The following PDE1C variants were observed in gnomAD, a reference collection of about 807,000 sequenced individuals.
PDE1C encodes dual specificity calcium/calmodulin-dependent 3',5'-cyclic nucleotide phosphodiesterase 1C.
A neutral mutation model predicts 93.1 loss-of-function variants in PDE1C; 62 were observed. That is an observed-to-expected ratio of 0.67 (90% confidence interval 0.54 to 0.82). The LOEUF (loss-of-function observed/expected upper bound fraction) is 0.82, where lower values mean the gene tolerates loss of function less well. Among genes scored for constraint, PDE1C ranks in the 40% least tolerant of loss-of-function variants. The pLI, the probability that PDE1C is intolerant of heterozygous loss-of-function variation, is 0.00. For synonymous variants in PDE1C, 325 were observed against 310.1 expected (o/e 1.05, Z -0.50); for missense variants, 742 against 884.6 (o/e 0.84, Z 2.04).
intron 2 of PDE1C, among the ~76,000 whole-genome samples, chr7:32,003,210 C>T (rs574560784): frequency 9.2e-5 from 14 of 152,316 alleles, no homozygotes; most frequent in African/African-American, 2.9e-4. Flanking sequence ...AATGAGTTCA[C>T]TTGCTGGAAT....
chr7:32,412,692 T>C (rs1167177907), intron 1 of PDE1C, among the ~76,000 whole-genome samples: 1 of 44,616 alleles, frequency 2.2e-5, no homozygotes, highest in African/African-American at 9.6e-5. Flanking sequence ...ACATATGCAG[T>C]CCATCATTGC....
Position 32,232,144 on chromosome 7 carries a change from A to G in PDE1C, c.86-22605T>C, listed in dbSNP as rs533033986. Among the ~76,000 whole-genome samples, 9 of 151,934 alleles carry G rather than the reference A, an allele frequency of 5.9e-5. No homozygotes were observed. In the South Asian group the frequency reaches 1.5e-3, roughly 25 times the overall value. ...ACAATAGTAGCAGACAGATTAAGGG[A>G]AAAAAAACAGAATTTGAAGCACCAC... On this transcript the variant is annotated intron_variant, in intron 1 of 18. Transcript: ENST00000396193.
At chr7:32,232,050 T>C (rs4236333) in intron 1 of PDE1C, among the ~76,000 whole-genome samples, 76,185 of 151,812 alleles carry the variant, frequency 0.5, 22,024 homozygotes, top group Admixed American at 0.64. Context: ...TTCCACCCTA[T>C]CTCTCCCACT....
At chr7:31,712,068 GA>G in the PDE1C span, among the ~76,000 whole-genome samples, 2 of 152,292 alleles carry the variant, frequency 1.3e-5, no homozygotes, top group Admixed American at 1.3e-4. Flanking sequence ...ATTAGATCAG[GA>G]GAAACCTGAT....
At chr7:31,653,600 T>G in the PDE1C span, 3 of 152,064 alleles carry the variant, frequency 2.0e-5, no homozygotes, top group Non-Finnish European at 4.4e-5. Flanking sequence ...AGTGGGCAAA[T>G]TGTGAGGGAG....
At chr7:31,789,114 T>C (rs1436260707) in intron 16 of PDE1C, 3 of 152,150 alleles carry the variant, frequency 2.0e-5, no homozygotes, top group Non-Finnish European at 4.4e-5. Flanking sequence ...ACTCAGAGAT[T>C]CCTGTGTGAC....
intron 1 of PDE1C, among the ~76,000 whole-genome samples, chr7:32,231,998 T>C (rs1007749071): frequency 6.7e-5 from 10 of 149,852 alleles, no homozygotes; most frequent in Middle Eastern, 3.4e-3. Flanking sequence ...CACACACACA[T>C]ATATGATGAA....
At chr7:32,174,162 C>T (rs920037889) in intron 2 of PDE1C, among the ~76,000 whole-genome samples, 2 of 152,102 alleles carry the variant, frequency 1.3e-5, no homozygotes, top group African/African-American at 4.8e-5. Context: ...GGAAGAAGAA[C>T]AAGAACAGCA....
At chr7:31,761,440 T>C (rs1234534232) in intron 17 of PDE1C, among the ~76,000 whole-genome samples, 1 of 152,220 alleles carries the variant, frequency 6.6e-6, no homozygotes, top group African/African-American at 2.4e-5. Flanking sequence ...TTTGTGGCAA[T>C]GGCTCAGGAA....
At chr7:31,929,922 G>A (rs1195523875) in intron 2 of PDE1C, among the ~76,000 whole-genome samples, 3 of 152,136 alleles carry the variant, frequency 2.0e-5, no homozygotes, top group African/African-American at 7.2e-5. Context: ...ACTAAGATCA[G>A]AGCAGAACTG....
chr7:32,298,165 AC>A (rs1210174198), intron 1 of PDE1C, among the ~76,000 whole-genome samples: 2 of 149,964 alleles, frequency 1.3e-5, no homozygotes, highest in African/African-American at 4.9e-5. Flanking sequence ...GTCTGTCTTG[AC>A]GTCCGCCTCT....
the PDE1C span, among the ~76,000 whole-genome samples, chr7:31,622,186 G>C: frequency 7.5e-6 from 1 of 133,422 alleles, no homozygotes; most frequent in Middle Eastern, 3.6e-3. Context: ...GTCAACATTA[G>C]ACAGATCAAC....
In PDE1C at chr7:31,753,461, C is replaced by A; in HGVS notation, c.2053G>T (p.Ala685Ser). The change falls in exon 18 of 18, where the codon GCA (alanine) becomes TCA (serine). Residue 685 changes from alanine (A) to serine (S), a missense_variant. This residue lies in a region of PDE1C where 454 missense variants were observed against 459.4 expected (regional missense o/e 0.99). Coordinates refer to ENST00000396191, the MANE Select transcript of PDE1C (RefSeq NM_001191057.4). ...CTCTGATCCAGCATCTTGTACCTTGCAGGATGCTCATCAGTTTTCTTTGAG... is the reference window on the plus strand; with the variant it reads ...CTCTGATCCAGCATCTTGTACCTTGAAGGATGCTCATCAGTTTTCTTTGAG... ...SVSKKTDEHPARYKMLDQRIK... is the reference protein window; with the variant it reads ...SVSKKTDEHPSRYKMLDQRIK... 6.2e-7 allele frequency: 1 copy of A among 1,612,500 alleles called. No homozygotes were observed.
chr7:31,699,477 A>C, the PDE1C span, among the ~76,000 whole-genome samples: 1 of 152,206 alleles, frequency 6.6e-6, no homozygotes, highest in Non-Finnish European at 1.5e-5. Context: ...CTAATTTAAG[A>C]ATAATAGACA....
In PDE1C at chr7:32,420,124, T is replaced by TATACAC. The variant is rs1207972839; in HGVS notation, c.310+7697_310+7698insGTGTAT. Among the ~76,000 whole-genome samples the TATACAC allele has an allele frequency of 7.6e-3, 99 of 13,082 alleles. 10 individuals carry two copies. Among genetic ancestry groups the TATACAC allele is most frequent in the African/African-American group, 0.015 (63 of 4,094 alleles). The allele number at this position is 13,082 out of a possible 152,430, so 8.6% of individuals were successfully genotyped here. ...ATATATATATATATATATATATATA[T>TATACAC]ACACACACACACACACACACACACA... is the stretch of plus-strand genomic sequence containing the variant. On this transcript the variant is annotated intron_variant, in intron 1 of 1. Transcript: ENST00000672256.
chr7:31,767,855 G>T (rs948340033), intron 17 of PDE1C, among the ~76,000 whole-genome samples: 1 of 152,152 alleles, frequency 6.6e-6, no homozygotes, highest in Admixed American at 6.5e-5. Flanking sequence ...CTAGCTCTCT[G>T]GGGTCTCTTT....
At chr7:32,195,390 G>T (rs1035120227) in intron 2 of PDE1C, among the ~76,000 whole-genome samples, 1 of 152,164 alleles carries the variant, frequency 6.6e-6, no homozygotes, top group Non-Finnish European at 1.5e-5. Flanking sequence ...TATTTTTGCT[G>T]ATTAGAGGGG....
At chr7:31,633,309 T>C in the PDE1C span, among the ~76,000 whole-genome samples, 3 of 152,104 alleles carry the variant, frequency 2.0e-5, no homozygotes, top group Non-Finnish European at 4.4e-5. Context: ...AAATGTAAAA[T>C]GCTAAGGTAG....
At chr7:32,121,893 G>C (rs953240082) in intron 3 of PDE1C, among the ~76,000 whole-genome samples, 2 of 152,058 alleles carry the variant, frequency 1.3e-5, no homozygotes, top group Admixed American at 6.5e-5. Flanking sequence ...AATATAAATG[G>C]GCTAAATGCC....
Sources: gnomAD v4.1 joint callset for allele counts (sites outside exome capture counted in the v4.1 genomes callset) on GRCh38, gnomAD v4.1.1 for gene constraint, gnomAD v4.1.1 regional missense constraint, MANE v1.5 for transcripts, NCBI Gene and HGNC (gene_info 2026-07-23, HGNC 2026-07-21) for gene names.